OPHN1: variants seen among roughly 807,000 people sequenced by gnomAD.
OPHN1 encodes oligophrenin-1.
OPHN1 carries 11 observed loss-of-function variants against 60.7 expected under a neutral mutation model. That is an observed-to-expected ratio of 0.18 (90% confidence interval 0.11 to 0.30). OPHN1 has a LOEUF of 0.30. Ranked by LOEUF, OPHN1 falls within the 10% of genes least tolerant of loss-of-function variation. The probability of loss-of-function intolerance (pLI) is 1.00; values close to 1 mark genes in which losing one functional copy is unlikely to be tolerated. For missense variants in OPHN1, 449 were observed against 611.0 expected (o/e 0.73, Z 2.80); for synonymous variants, 226 against 222.6 (o/e 1.02, Z -0.14).
chrX:68,049,187 A>G (rs2076842385), intron 23 of OPHN1, among the ~76,000 whole-genome samples: 1 of 111,331 alleles, frequency 9.0e-6, no homozygotes, highest in South Asian at 3.8e-4. Flanking sequence ...TAACCCCCAA[A>G]TCTATGTATA....
At chrX:68,287,117 GAA>G (rs1459855126) in intron 3 of OPHN1, among the ~76,000 whole-genome samples, 6 of 90,929 alleles carry the variant, frequency 6.6e-5, no homozygotes, top group African/African-American at 2.5e-4. Flanking sequence ...AGAAAAAAAA[GAA>G]AGAGAGAGAG....
At position 68,064,089 on chromosome X, in the gene OPHN1, C is replaced by T; in HGVS notation, c.1923G>A (p.Gln641=). The change falls in exon 21 of 25, where the codon CAG becomes CAA. Residue 641 remains glutamine, a synonymous_variant. Transcript: ENST00000355520. Reference sequence around the variant, plus strand: ...TCCCAGGATCAGTTTCCCCACTCCTCTGAATAGGTAGTTTGGGGTGTTGTG... The same window carrying T: ...TCCCAGGATCAGTTTCCCCACTCCTTTGAATAGGTAGTTTGGGGTGTTGTG... ...KPPQHPKLPI[Q]RSGETDPGRK... is the part of the protein sequence containing the mutation. 2 of 1,210,406 alleles carry T rather than the reference C, an allele frequency of 1.7e-6. No individual in the cohort carries two copies. The highest frequency in any genetic ancestry group is 2.2e-6 in the Non-Finnish European group (2 of 894,947).
At chrX:68,372,850 T>C (rs2078536289) in intron 2 of OPHN1, among the ~76,000 whole-genome samples, 1 of 110,930 alleles carries the variant, frequency 9.0e-6, no homozygotes, top group African/African-American at 3.3e-5. Context: ...CTGCGTATCT[T>C]GCACATGCTT....
At chrX:68,185,895 GA>G (rs1184861620) in intron 15 of OPHN1, among the ~76,000 whole-genome samples, 4 of 110,724 alleles carry the variant, frequency 3.6e-5, no homozygotes, top group Non-Finnish European at 5.7e-5. Context: ...TTACACATCA[GA>G]AAAAGGAAAA....
chrX:68,156,291 C>T (rs1466416914), intron 15 of OPHN1, among the ~76,000 whole-genome samples: 2 of 90,391 alleles, frequency 2.2e-5, no homozygotes, highest in Non-Finnish European at 4.2e-5. Context: ...ATCAGAATCT[C>T]TGAAGGAAGA....
At chrX:68,086,844 TAG>T (rs1454210815) in intron 19 of OPHN1, among the ~76,000 whole-genome samples, 1 of 111,289 alleles carries the variant, frequency 9.0e-6, no homozygotes, top group Non-Finnish European at 1.9e-5. Flanking sequence ...GGGAGAAGAC[TAG>T]AAAGAGGATG....
intron 3 of OPHN1, among the ~76,000 whole-genome samples, chrX:68,297,551 T>A (rs1242497211): frequency 8.9e-6 from 1 of 112,293 alleles, no homozygotes; most frequent in Non-Finnish European, 1.9e-5. Flanking sequence ...CTAAAAAATG[T>A]TCATTGAAAT....
chrX:68,356,825 C>T (rs1337280611), intron 2 of OPHN1, among the ~76,000 whole-genome samples: 1 of 111,397 alleles, frequency 9.0e-6, no homozygotes, highest in African/African-American at 3.3e-5. Context: ...TTAAAACAGT[C>T]TCCACAATAG....
intron 2 of OPHN1, among the ~76,000 whole-genome samples, chrX:68,350,501 TTCCTTCCTTCCTC>T: frequency 1.2e-5 from 1 of 82,481 alleles, no homozygotes; most frequent in African/African-American, 4.6e-5. Flanking sequence ...CCTTCCTCCT[TTCCTTCCTTCCTC>T]CCTCCCTCCC....
At chrX:68,266,816 T>A (rs1430087643) in intron 5 of OPHN1, among the ~76,000 whole-genome samples, 1 of 110,368 alleles carries the variant, frequency 9.1e-6, no homozygotes. Flanking sequence ...AGGCTCAAAA[T>A]AAAGGGATGG....
intron 2 of OPHN1, among the ~76,000 whole-genome samples, chrX:68,390,985 T>G (rs2078650806): frequency 9.0e-6 from 1 of 111,634 alleles, no homozygotes; most frequent in Non-Finnish European, 1.9e-5. Context: ...GTCCTGGACT[T>G]TTCTAGCTAC....
intron 10 of OPHN1, among the ~76,000 whole-genome samples, chrX:68,203,263 A>G (rs1252815670): frequency 9.0e-6 from 1 of 111,560 alleles, no homozygotes; most frequent in Non-Finnish European, 1.9e-5. Context: ...TCAAAAATAA[A>G]TAAATAAATA....
intron 2 of OPHN1, among the ~76,000 whole-genome samples, chrX:68,427,991 C>T (rs982535841): frequency 1.8e-5 from 2 of 110,998 alleles, no homozygotes; most frequent in Middle Eastern, 4.6e-3. Flanking sequence ...ATTAGCTGGG[C>T]ATGGTGGCTG....
chrX:68,099,573 C>T (rs1008997242), intron 18 of OPHN1, among the ~76,000 whole-genome samples: 2 of 111,543 alleles, frequency 1.8e-5, no homozygotes, highest in African/African-American at 6.5e-5. Flanking sequence ...AGGGAAATTC[C>T]TAGGTCACAT....
chrX:68,433,511 G>A (rs1207415131), upstream of OPHN1: 2 of 285,794 alleles, frequency 7.0e-6, no homozygotes, highest in Non-Finnish European at 1.2e-5. Context: ...AACTCCGCGG[G>A]CAACCCGGAT....
intron 2 of OPHN1, among the ~76,000 whole-genome samples, chrX:68,362,861 T>C (rs773704872): frequency 9.0e-6 from 1 of 111,349 alleles, no homozygotes; most frequent in African/African-American, 3.2e-5. Flanking sequence ...ATGCAAGATG[T>C]TAATAGGGGA....
chrX:68,265,055 C>A (rs958015433), intron 5 of OPHN1, among the ~76,000 whole-genome samples: 3 of 112,597 alleles, frequency 2.7e-5, no homozygotes, highest in African/African-American at 9.7e-5. Context: ...GTGGAGCCCA[C>A]CGCAGCTCAA....
chrX:68,174,467 TTC>T (rs1279557493), intron 15 of OPHN1, among the ~76,000 whole-genome samples: 917 of 45,192 alleles, frequency 0.02, 9 homozygotes, highest in Middle Eastern at 0.062. Flanking sequence ...TATTAACTTA[TTC>T]TTTTTTTTTT....
chrX:68,330,438 G>C (rs2078288991), intron 2 of OPHN1, among the ~76,000 whole-genome samples: 1 of 111,684 alleles, frequency 9.0e-6, no homozygotes, highest in African/African-American at 3.2e-5. Flanking sequence ...GATTTTCTAA[G>C]TTAGCAAGAG....
Sources: gnomAD v4.1 joint callset for allele counts (sites outside exome capture counted in the v4.1 genomes callset) on GRCh38, gnomAD v4.1.1 for gene constraint, MANE v1.5 for transcripts, NCBI Gene and HGNC (gene_info 2026-07-23, HGNC 2026-07-21) for gene names.